FMNL2: variants seen among roughly 807,000 people sequenced by gnomAD.
The protein encoded by FMNL2 is formin like 2, also known as formin-like protein 2.
A neutral mutation model predicts 130.2 loss-of-function variants in FMNL2; 51 were observed. The observed-to-expected ratio is 0.39, with a 90% confidence interval of 0.31 to 0.49. FMNL2 has a LOEUF of 0.49. Among genes scored for constraint, FMNL2 ranks in the 20% least tolerant of loss-of-function variants. The probability of loss-of-function intolerance (pLI) is 0.85; values close to 1 mark genes in which losing one functional copy is unlikely to be tolerated. For missense variants in FMNL2, 977 were observed against 1,316.2 expected (o/e 0.74, Z 3.99); for synonymous variants, 465 against 467.1 (o/e 1.00, Z 0.06).
rs189208667 is a variant in FMNL2, at chr2:152,543,865, G to A, written c.282+1046G>A. On this transcript the variant is annotated intron_variant, in intron 3 of 25. Transcript: ENST00000288670. ...CTAGTAGTGATGATGACAGTGTAGT[G>A]CAGAACTTCATCACTGGCTGTATGT... Among the ~76,000 whole-genome samples the A allele has an allele frequency of 1.0e-3, 157 of 152,016 alleles. 1 individual carries two copies. Among genetic ancestry groups the A allele is most frequent in the African/African-American group, 3.6e-3 (151 of 41,476 alleles).
chr2:152,617,317 C>T (rs750975844), intron 13 of FMNL2, 125 bp downstream of exon 13: 59 of 846,924 alleles, frequency 7.0e-5, no homozygotes, highest in Non-Finnish European at 1.1e-4. Flanking sequence ...TTATTGGAAA[C>T]CTTTGAGAGG....
At chr2:152,431,962 CTT>C in intron 1 of FMNL2, among the ~76,000 whole-genome samples, 2 of 40,148 alleles carry the variant, frequency 5.0e-5, no homozygotes, top group South Asian at 1.1e-3. Flanking sequence ...GAAACCCTAT[CTT>C]TAAAAAAAAA....
chr2:152,500,222 A>C (rs994295199), intron 1 of FMNL2, among the ~76,000 whole-genome samples: 2 of 152,138 alleles, frequency 1.3e-5, no homozygotes, highest in African/African-American at 4.8e-5. Flanking sequence ...TTTCTGCCCC[A>C]CCAAGAGAGC....
At chr2:152,551,866 A>C (rs1371141958) in intron 4 of FMNL2, among the ~76,000 whole-genome samples, 1 of 152,204 alleles carries the variant, frequency 6.6e-6, no homozygotes, top group Admixed American at 6.5e-5. Flanking sequence ...AAAATAAAAT[A>C]TTAGCCAGTC....
chr2:152,576,637 T>C (rs944503602), intron 7 of FMNL2, among the ~76,000 whole-genome samples: 1 of 152,108 alleles, frequency 6.6e-6, no homozygotes, highest in Non-Finnish European at 1.5e-5. Flanking sequence ...TACTAAGTAC[T>C]GTAGAAAAAA....
At chr2:152,389,673 C>T (rs538280334) in intron 1 of FMNL2, among the ~76,000 whole-genome samples, 3 of 152,182 alleles carry the variant, frequency 2.0e-5, no homozygotes, top group Non-Finnish European at 2.9e-5. Flanking sequence ...TCCGAGCCGG[C>T]GCGATGGGCG....
At chr2:152,469,110 T>G (rs1265105938) in intron 1 of FMNL2, among the ~76,000 whole-genome samples, 1 of 152,256 alleles carries the variant, frequency 6.6e-6, no homozygotes, top group Non-Finnish European at 1.5e-5. Flanking sequence ...TGGAATACAC[T>G]GACGCTGTTG....
chr2:152,589,349 T>A (rs1697259872), intron 9 of FMNL2, among the ~76,000 whole-genome samples: 1 of 152,124 alleles, frequency 6.6e-6, no homozygotes, highest in Non-Finnish European at 1.5e-5. Context: ...ACCCAGGGTG[T>A]TAGGGTGTTG....
intron 14 of FMNL2, 71 bp from the exon 15 acceptor site, chr2:152,619,438 T>C: frequency 6.5e-7 from 1 of 1,543,634 alleles, no homozygotes; most frequent in Admixed American, 2.0e-5. Context: ...TGGCTTTATA[T>C]GCACATGGCT....
chr2:152,592,665 G>C (rs150150828), intron 9 of FMNL2, among the ~76,000 whole-genome samples: 1 of 152,218 alleles, frequency 6.6e-6, no homozygotes, highest in African/African-American at 2.4e-5. Flanking sequence ...TGGCAGACTA[G>C]TATATATTAT....
At chr2:152,558,402 G>C (rs991615075) in intron 4 of FMNL2, among the ~76,000 whole-genome samples, 6 of 152,182 alleles carry the variant, frequency 3.9e-5, no homozygotes, top group African/African-American at 1.4e-4. Flanking sequence ...CCACAAGCAG[G>C]CTGTAGATCA....
chr2:152,579,074 A>G, intron 8 of FMNL2, 110 bp downstream of exon 8: 1 of 864,820 alleles, frequency 1.2e-6, no homozygotes, highest in Non-Finnish European at 1.8e-6. Context: ...AATCTCTGAA[A>G]TAAGATTGGC....
intron 1 of FMNL2, among the ~76,000 whole-genome samples, chr2:152,481,767 A>G (rs949167763): frequency 1.2e-4 from 18 of 152,202 alleles, no homozygotes; most frequent in Admixed American, 5.2e-4. Context: ...CTTCTAGGAA[A>G]TTGGTGTCAT....
In FMNL2 at chr2:152,636,649, G is replaced by GT. The variant is rs1682633626; in HGVS notation, c.2844+60dup. The GT allele has an allele frequency of 1.9e-5, 29 of 1,505,896 alleles. 1 individual carries two copies. The South Asian group carries it at 3.6e-4, about 19-fold the overall frequency. The allele number at this position is 1,505,896 out of a possible 1,614,324, so 93.3% of individuals were successfully genotyped here. On this transcript the variant is annotated intron_variant, in intron 22 of 25. Coordinates refer to ENST00000288670, the MANE Select transcript of FMNL2 (RefSeq NM_052905.4). The stretch of plus-strand genomic sequence containing the variant: ...GCTGCATCCATTAAAGCTGCCTGTG[G>GT]TGCAGGCCCTGTATTTGGGGAGAAA...
chr2:152,456,424 AT>A (rs1273613091), intron 1 of FMNL2, among the ~76,000 whole-genome samples: 3 of 152,142 alleles, frequency 2.0e-5, no homozygotes, highest in Non-Finnish European at 4.4e-5. Context: ...CTGGTCTTGA[AT>A]TCCTGACCTC....
At chr2:152,423,716 G>C (rs1363703506) in intron 1 of FMNL2, among the ~76,000 whole-genome samples, 2 of 152,092 alleles carry the variant, frequency 1.3e-5, no homozygotes, top group African/African-American at 2.4e-5. Flanking sequence ...ATGGACTTTT[G>C]CTTTCTATAT....
chr2:152,551,558 T>A (rs1318259312), intron 4 of FMNL2, among the ~76,000 whole-genome samples: 2 of 152,252 alleles, frequency 1.3e-5, no homozygotes, highest in African/African-American at 4.8e-5. Context: ...ACTCACTCTT[T>A]GTTATGTAAA....
intron 1 of FMNL2, among the ~76,000 whole-genome samples, chr2:152,450,204 C>T (rs1688559958): frequency 6.6e-6 from 1 of 152,028 alleles, no homozygotes; most frequent in Non-Finnish European, 1.5e-5. Flanking sequence ...TGCATAAAGC[C>T]TGTATTAATC....
intron 1 of FMNL2, among the ~76,000 whole-genome samples, chr2:152,343,494 C>G (rs929158289): frequency 6.6e-6 from 1 of 152,080 alleles, no homozygotes; most frequent in African/African-American, 2.4e-5. Context: ...CAAGGTTTCA[C>G]CACATTGGCC....
Sources: gnomAD v4.1 joint callset for allele counts (sites outside exome capture counted in the v4.1 genomes callset) on GRCh38, gnomAD v4.1.1 for gene constraint, MANE v1.5 for transcripts, NCBI Gene and HGNC (gene_info 2026-07-23, HGNC 2026-07-21) for gene names.